PTK2: variants seen among roughly 807,000 people sequenced by gnomAD.
PTK2 encodes protein tyrosine kinase 2.
In PTK2, 45 loss-of-function variants were observed where a neutral mutation model predicts 150.1. The observed-to-expected ratio is 0.30, with a 90% CI of 0.24 to 0.38. PTK2 has a LOEUF of 0.38. Ranked by LOEUF, PTK2 falls within the 10% of genes least tolerant of loss-of-function variation. PTK2 has a pLI of 1.00. For missense variants in PTK2, 919 were observed against 1,307.3 expected, an observed-to-expected ratio of 0.70 and a Z score of 4.58; for synonymous variants, 432 against 449.2, an observed-to-expected ratio of 0.96 and a Z score of 0.48.
chr8:140,712,103 G>A (rs1252001278), intron 23 of PTK2, among the ~76,000 whole-genome samples: 1 of 151,464 alleles, frequency 6.6e-6, no homozygotes, highest in Non-Finnish European at 1.5e-5. Flanking sequence ...TTGTTTATTT[G>A]GAATGTAACT....
At chr8:140,765,160 G>A (rs990884881) in intron 14 of PTK2, 1 of 152,156 alleles carries the variant, frequency 6.6e-6, no homozygotes, top group African/African-American at 2.4e-5. Context: ...GATTTTAACT[G>A]CTGGGCCATT....
chr8:140,908,653 T>C (rs1257773275), intron 2 of PTK2, among the ~76,000 whole-genome samples: 2 of 152,032 alleles, frequency 1.3e-5, no homozygotes, highest in African/African-American at 2.4e-5. Context: ...TGATGCTAAA[T>C]CCACTGTGCC....
chr8:140,850,575 A>T (rs1227067968), intron 5 of PTK2, among the ~76,000 whole-genome samples: 1 of 148,882 alleles, frequency 6.7e-6, no homozygotes, highest in Non-Finnish European at 1.5e-5. Context: ...AAAAAAAAAA[A>T]AAAAATTATC....
At chr8:140,776,465 C>T (rs2100078523) in intron 14 of PTK2, among the ~76,000 whole-genome samples, 1 of 152,090 alleles carries the variant, frequency 6.6e-6, no homozygotes, top group African/African-American at 2.4e-5. Flanking sequence ...AGTGTAAACC[C>T]TAAAGGAAAA....
intron 1 of PTK2, among the ~76,000 whole-genome samples, chr8:140,978,141 A>C (rs2100189997): frequency 6.6e-6 from 1 of 152,234 alleles, no homozygotes; most frequent in Non-Finnish European, 1.5e-5. Context: ...TGTTAGACCT[A>C]AAACCATAAA....
rs182270965 is a variant in PTK2, at chr8:140,826,080, G to A, written c.648+4392C>T. ...ATGTTAATTATAAATAATCTTCTACGAATATAAATAGAAAGGGAAAAAAAA... is the reference window on the plus strand; with the variant it reads ...ATGTTAATTATAAATAATCTTCTACAAATATAAATAGAAAGGGAAAAAAAA... On this transcript the variant is annotated intron_variant, in intron 8 of 31. Transcript: ENST00000522684. 4.6e-3 allele frequency among the ~76,000 whole-genome samples: 694 copies of A among 151,998 alleles called. 12 individuals carry two copies. The highest frequency in any genetic ancestry group is 0.015 in the African/African-American group (626 of 41,434).
intron 1 of PTK2, among the ~76,000 whole-genome samples, chr8:140,946,652 T>C (rs2100177799): frequency 6.6e-6 from 1 of 152,206 alleles, no homozygotes; most frequent in South Asian, 2.1e-4. Context: ...AATCTCACTT[T>C]TGCAGTGAGG....
chr8:140,838,040 C>A (rs1192825000), intron 7 of PTK2, among the ~76,000 whole-genome samples: 1 of 151,504 alleles, frequency 6.6e-6, no homozygotes, highest in Admixed American at 6.6e-5. Flanking sequence ...CCAGCCTGGG[C>A]AACAGAGCAA....
chr8:140,979,285 T>C (rs1311466331), intron 1 of PTK2, among the ~76,000 whole-genome samples: 1 of 150,592 alleles, frequency 6.6e-6, no homozygotes, highest in East Asian at 1.9e-4. Context: ...AAAAGAACTT[T>C]AGCTCCAAGA....
intron 5 of PTK2, among the ~76,000 whole-genome samples, chr8:140,851,577 G>T (rs182694279): frequency 6.4e-4 from 98 of 152,156 alleles, no homozygotes; most frequent in Admixed American, 1.1e-3. Context: ...TAAATGAAGG[G>T]GCCAGGCATG....
chr8:140,899,480 ACCTC>A (rs2100157602), intron 2 of PTK2, among the ~76,000 whole-genome samples: 1 of 152,212 alleles, frequency 6.6e-6, no homozygotes, highest in Non-Finnish European at 1.5e-5. Context: ...AAACAAGAAA[ACCTC>A]AATAAGCCAA....
intron 1 of PTK2, among the ~76,000 whole-genome samples, chr8:140,981,045 C>T (rs1274735357): frequency 6.7e-6 from 1 of 149,818 alleles, no homozygotes; most frequent in Admixed American, 6.6e-5. Context: ...CAGGCATGAG[C>T]CACCGCACCC....
chr8:140,716,862 G>C (rs866054875), intron 23 of PTK2, among the ~76,000 whole-genome samples: 2 of 152,180 alleles, frequency 1.3e-5, no homozygotes, highest in Admixed American at 6.5e-5. Context: ...AAGTAACCCA[G>C]TGTGTGAAAA....
intron 26 of PTK2, among the ~76,000 whole-genome samples, chr8:140,696,410 T>G (rs148918735): frequency 1.3e-5 from 2 of 152,178 alleles, no homozygotes; most frequent in Non-Finnish European, 2.9e-5. Flanking sequence ...GTGCACATCA[T>G]AATAAAATAA....
intron 29 of PTK2, chr8:140,672,270 C>A: frequency 2.9e-6 from 1 of 346,870 alleles, no homozygotes; most frequent in Non-Finnish European, 5.7e-6. Context: ...CTGAAGTGAT[C>A]CTCCTTCCTC....
chr8:140,729,052 G>T (rs2100047635), intron 22 of PTK2, among the ~76,000 whole-genome samples: 1 of 151,838 alleles, frequency 6.6e-6, no homozygotes, highest in Admixed American at 6.6e-5. Flanking sequence ...CTTCACTTAG[G>T]TATGATACTG....
At chr8:140,908,044 A>T (rs2100161668) in intron 2 of PTK2, among the ~76,000 whole-genome samples, 1 of 152,242 alleles carries the variant, frequency 6.6e-6, no homozygotes, top group South Asian at 2.1e-4. Context: ...AACAAGCCAA[A>T]AGCTAGGCTT....
chr8:140,800,836 A>G (rs1237320202), intron 11 of PTK2, among the ~76,000 whole-genome samples: 2 of 152,224 alleles, frequency 1.3e-5, no homozygotes, highest in Admixed American at 1.3e-4. Flanking sequence ...AAGAGATGAA[A>G]AAAGTATTTT....
intron 20 of PTK2, 38 bp downstream of exon 23, chr8:140,743,192 T>TCCAAGCC (rs760584605): frequency 2.2e-6 from 3 of 1,349,470 alleles, no homozygotes; most frequent in Non-Finnish European, 3.2e-6. Flanking sequence ...CGTTAAAGAT[T>TCCAAGCC]CCAAGCCTAT....
Sources: allele counts gnomAD v4.1 joint callset (sites outside exome capture counted in the v4.1 genomes callset), GRCh38; gene constraint gnomAD v4.1.1; transcripts MANE v1.5; gene names NCBI Gene and HGNC (gene_info 2026-07-23, HGNC 2026-07-21).